ATP12A: variants seen among roughly 807,000 people sequenced by gnomAD.
ATP12A encodes ATPase H+/K+ transporting non-gastric alpha2 subunit.
In ATP12A, 81 loss-of-function variants were observed where a neutral mutation model predicts 111.2. The observed-to-expected ratio is 0.73, with a 90% confidence interval of 0.61 to 0.88. The LOEUF (loss-of-function observed/expected upper bound fraction) is 0.88. Among genes scored for constraint, ATP12A ranks in the 40% least tolerant of loss-of-function variants. The pLI is 0.00. For synonymous variants in ATP12A, 498 were observed against 499.8 expected (o/e 1.00, Z 0.05); for missense variants, 1,196 against 1,313.1 (o/e 0.91, Z 1.38).
In ATP12A at chr13:24,685,444, G is replaced by A. The variant is rs1874633672; in HGVS notation, c.228+71G>A. The A allele has an allele frequency of 1.3e-6, 2 of 1,524,634 alleles. No individual in the cohort carries two copies. Among genetic ancestry groups the A allele is most frequent in the Admixed American group, 3.3e-5 (2 of 59,880 alleles). 94.4% of individuals were successfully genotyped at this position (1,524,634 alleles called of 1,614,324 possible). Reference sequence around the variant, plus strand: ...TACAGAGGGAAGGCTGTGTGTGGCGGGGGGCTGTGTGGAAGAGTAGCGGCA... The same window carrying A: ...TACAGAGGGAAGGCTGTGTGTGGCGAGGGGCTGTGTGGAAGAGTAGCGGCA... On this transcript the variant is annotated intron_variant, in intron 3 of 22. Coordinates refer to ENST00000381946, the MANE Select transcript of ATP12A (RefSeq NM_001676.7). This position sits in a 1 kb window ranked among gnomAD's most constrained non-coding sequence, Gnocchi z 5.5.
At chr13:24,697,716 G>C (rs2137707366) in intron 11 of ATP12A, among the ~76,000 whole-genome samples, 1 of 151,608 alleles carries the variant, frequency 6.6e-6, no homozygotes, top group South Asian at 2.1e-4. Context: ...AAGTGATAGA[G>C]CTGGGAGGTT....
At position 24,692,461 on chromosome 13, in the gene ATP12A, CAAG is replaced by C. The variant is rs1566072122; in HGVS notation, c.1107_1109del (p.Lys369del). On this transcript the variant is annotated inframe_deletion, in exon 9 of 23. Coordinates refer to ENST00000381946, the MANE Select transcript of ATP12A (RefSeq NM_001676.7). ...TGTCGCTGACAGCAAAACGGATGGC[CAAG>C]AAGAACTGCCTGGTGAAGAACCTGG... is the stretch of plus-strand genomic sequence containing the variant. 3.7e-6 allele frequency: 6 copies of C among 1,614,036 alleles called. No individual in the cohort carries two copies. The highest frequency in any genetic ancestry group is 1.7e-5 in the Admixed American group (1 of 60,006).
In ATP12A at chr13:24,709,733, C is replaced by G. The variant is rs199531242; in HGVS notation, c.2668C>G (p.Gln890Glu). Residue 890 changes from glutamine to glutamate, a missense_variant, in exon 19 of 23, where the codon CAA becomes GAA. By Grantham distance (29) the Gln-to-Glu change is conservative. Transcript: ENST00000381946. Reference sequence around the variant, plus strand: ...CCTTGTGTATTTCACCGTCTATGCACAAGAGGGCTTTCTGCCCCGCACTCT... The same window carrying G: ...CCTTGTGTATTTCACCGTCTATGCAGAAGAGGGCTTTCTGCCCCGCACTCT... The part of the protein sequence containing the change: ...AFLVYFTVYA[Q>E]EGFLPRTLIN... 102 of 1,614,106 alleles carry G rather than the reference C, an allele frequency of 6.3e-5. No individual in the cohort carries two copies. Among genetic ancestry groups the G allele is most frequent in the Non-Finnish European group, 6.9e-5 (81 of 1,180,052 alleles).
chr13:24,689,114 C>G (rs963886938), intron 4 of ATP12A, 148 bp from the exon 5 acceptor site: 1 of 650,804 alleles, frequency 1.5e-6, no homozygotes. Context: ...CAATAAGTTG[C>G]GCACTTAACA....
At chr13:24,709,258 C>A in intron 17 of ATP12A, 106 bp from the exon 18 acceptor site, 2 of 490,666 alleles carry the variant, frequency 4.1e-6, no homozygotes, top group East Asian at 4.3e-5. Flanking sequence ...AGCTCCATGC[C>A]CCCCACCCCA....
At chr13:24,686,991 C>T (rs558726564) in intron 3 of ATP12A, among the ~76,000 whole-genome samples, 27 of 152,084 alleles carry the variant, frequency 1.8e-4, no homozygotes, top group Admixed American at 7.2e-4. Flanking sequence ...GAAGTCTCTC[C>T]GGAACACCCC....
chr13:24,681,488 C>T lies in ATP12A; in HGVS notation c.10-74C>T, dbSNP rs1448058514. On this transcript the variant is annotated intron_variant, in intron 1 of 22. Coordinates refer to ENST00000381946, the MANE Select transcript of ATP12A (RefSeq NM_001676.7). ...GCTCCTGACTCCTGCAGGTCCTGACCCCGCAGAGGGGCGCTCAGCACCTCT... is the reference window on the plus strand; with the variant it reads ...GCTCCTGACTCCTGCAGGTCCTGACTCCGCAGAGGGGCGCTCAGCACCTCT... The T allele has an allele frequency of 4.5e-6, 7 of 1,538,578 alleles. No homozygotes were observed. The Admixed American group carries it at 6.2e-5, about 14-fold the overall frequency.
chr13:24,706,925 C>T (rs764239368), intron 15 of ATP12A, 98 bp from the exon 16 acceptor site: 94 of 1,357,708 alleles, frequency 6.9e-5, no homozygotes, highest in South Asian at 1.4e-4. Flanking sequence ...TAATCATCCT[C>T]GCAACCTCAA....
chr13:24,691,356 C>G, intron 8 of ATP12A, 106 bp downstream of exon 8: 1 of 1,335,586 alleles, frequency 7.5e-7, no homozygotes, highest in Non-Finnish European at 1.0e-6. Flanking sequence ...CAGAGCACCA[C>G]GCCCTCCCCG....
In ATP12A at chr13:24,709,813, C is replaced by T; in HGVS notation, c.2748C>T (p.Ser916=). The stretch of plus-strand genomic sequence containing the variant: ...ACTACGTGAATGACTTGAAAGACAG[C>T]TATGGGCAGGAATGGGTGAGTGGCG... ...EKDYVNDLKD[S]YGQEWTRYQR... The change falls in exon 19 of 23, where the codon AGC becomes AGT. Residue 916 remains serine, a synonymous_variant. Transcript: ENST00000381946. The T allele has an allele frequency of 6.2e-7, 1 of 1,614,186 alleles. No individual in the cohort carries two copies. Among genetic ancestry groups the T allele is most frequent in the East Asian group, 2.2e-5 (1 of 44,880 alleles).
At position 24,708,935 on chromosome 13, in the gene ATP12A, AAG is replaced by A. The variant is rs1875810606; in HGVS notation, c.2494-427_2494-426del. On this transcript the variant is annotated intron_variant, in intron 17 of 22. Transcript: ENST00000381946. ...AAAGAAAGAAAGAAAGAAAGAAAGAAAGAAAGAAAGAAAGAAAGAAAGAAAGA... is the reference window on the plus strand; with the variant it reads ...AAAGAAAGAAAGAAAGAAAGAAAGAAAAAGAAAGAAAGAAAGAAAGAAAGA... 8.4e-5 allele frequency among the ~76,000 whole-genome samples: 12 copies of A among 143,040 alleles called. No individual in the cohort carries two copies. In the South Asian group the frequency reaches 2.0e-3, roughly 24 times the overall value. 93.8% of individuals were successfully genotyped at this position (143,040 alleles called of 152,430 possible). A position where few individuals can be genotyped will look rare whatever the true frequency, so the allele number is the denominator to read the frequency against.
chr13:24,682,499 A>G (rs555366396), intron 2 of ATP12A, among the ~76,000 whole-genome samples: 11 of 151,788 alleles, frequency 7.2e-5, no homozygotes, highest in African/African-American at 2.7e-4. Flanking sequence ...TCCCTGTAGA[A>G]CTCAGAAGGA....
chr13:24,708,166 C>T (rs773230628), intron 17 of ATP12A, among the ~76,000 whole-genome samples: 1 of 152,106 alleles, frequency 6.6e-6, no homozygotes, highest in Non-Finnish European at 1.5e-5. Flanking sequence ...AGACCTTTAC[C>T]TAAACACAGT....
intron 1 of ATP12A, 69 bp downstream of exon 1, chr13:24,680,821 C>A: frequency 7.0e-7 from 1 of 1,426,930 alleles, no homozygotes. Context: ...CCGGAGCAGG[C>A]TGACGGGAAG....
At chr13:24,692,132 G>A (rs2070812) in intron 8 of ATP12A, among the ~76,000 whole-genome samples, 36,152 of 152,060 alleles carry the variant, frequency 0.24, 4,682 homozygotes, top group East Asian at 0.45. Flanking sequence ...ACGTGAACAC[G>A]AGCCACAGCA....
At chr13:24,692,697 G>T in intron 9 of ATP12A, 70 bp downstream of exon 9, 1 of 1,596,710 alleles carries the variant, frequency 6.3e-7, no homozygotes, top group Non-Finnish European at 8.6e-7. Flanking sequence ...TGAGCACACA[G>T]CAGGGTCTGC....
chr13:24,709,230 C>CT (rs1342017432), intron 17 of ATP12A, 134 bp from the exon 18 acceptor site: 1 of 1,039,180 alleles, frequency 9.6e-7, no homozygotes, highest in East Asian at 2.6e-5. Context: ...CCTCTACTGC[C>CT]TATAGCCTGG....
intron 17 of ATP12A, 49 bp downstream of exon 17, chr13:24,707,482 T>A (rs1162277924): frequency 1.2e-6 from 2 of 1,609,320 alleles, no homozygotes; most frequent in East Asian, 4.5e-5. Flanking sequence ...CCAGGGGAGG[T>A]CAAGTTCAGG....
Position 24,710,529 on chromosome 13 carries a change from C to T in ATP12A, c.2833C>T (p.Gln945Ter). The change falls in exon 20 of 23, where the codon CAA (glutamine) becomes TAA (stop). Residue 945 changes from glutamine to a stop codon, truncating the protein, a stop_gained. Transcript: ENST00000381946. LOFTEE classifies it high-confidence loss of function. ...TAFFVGILVQ[Q>*]IADLIIRKTR... is the part of the protein sequence containing the mutation. ...TTTCTTTGTTGGCATCCTAGTCCAGCAAATAGCAGATCTGATCATCAGGAA... is the reference window on the plus strand; with the variant it reads ...TTTCTTTGTTGGCATCCTAGTCCAGTAAATAGCAGATCTGATCATCAGGAA... The T allele has an allele frequency of 1.2e-6, 2 of 1,614,220 alleles. No homozygotes were observed. Among genetic ancestry groups the T allele is most frequent in the Non-Finnish European group, 8.5e-7 (1 of 1,180,042 alleles).
Sources: allele counts gnomAD v4.1 joint callset (sites outside exome capture counted in the v4.1 genomes callset), GRCh38; gene constraint gnomAD v4.1.1; non-coding constraint Gnocchi (gnomAD v3.1); transcripts MANE v1.5; gene names NCBI Gene and HGNC (gene_info 2026-07-23, HGNC 2026-07-21).